The following TRPC6 variants were observed in gnomAD, a reference collection of about 807,000 sequenced individuals.
The protein encoded by TRPC6 is transient receptor potential cation channel subfamily C member 6, also known as short transient receptor potential channel 6.
In TRPC6, 55 loss-of-function variants were observed where a neutral mutation model predicts 90.7. The observed-to-expected ratio is 0.61, with a 90% CI of 0.49 to 0.76. The LOEUF is 0.76. Among genes scored for constraint, TRPC6 ranks in the 30% least tolerant of loss-of-function variants. The pLI, the probability that TRPC6 is intolerant of heterozygous loss-of-function variation, is 0.00. For synonymous variants in TRPC6, 393 were observed against 393.0 expected, an observed-to-expected ratio of 1.00 and a Z score of 0.00; for missense variants, 989 against 1,122.7, an observed-to-expected ratio of 0.88 and a Z score of 1.70.
chr11:101,475,311 T>C (rs1157315341), intron 6 of TRPC6, among the ~76,000 whole-genome samples: 1 of 152,176 alleles, frequency 6.6e-6, no homozygotes, highest in Non-Finnish European at 1.5e-5. Flanking sequence ...CTTTATTATA[T>C]ATATCTATGG....
rs1355905158 is a variant in TRPC6 at position 101,452,447 on chromosome 11, T to C, written c.*508A>G. Reference sequence around the variant, plus strand: ...TCAATCATGTGCATTGAGGGATAAGTAGGGTAAATGGTGTTTAAACAGCAT... The same window carrying C: ...TCAATCATGTGCATTGAGGGATAAGCAGGGTAAATGGTGTTTAAACAGCAT... On this transcript the variant is annotated 3_prime_UTR_variant, in exon 13 of 13. Transcript: ENST00000344327. 6.3e-6 allele frequency: 1 copy of C among 158,848 alleles called. No homozygotes were observed. The highest frequency in any genetic ancestry group is 2.4e-5 in the African/African-American group (1 of 41,466). 9.8% of individuals were successfully genotyped at this position (158,848 alleles called of 1,614,324 possible). A position where few individuals can be genotyped will look rare whatever the true frequency, so the allele number is the denominator to read the frequency against.
Position 101,503,273 on chromosome 11 carries a change from T to C in TRPC6, c.945+751A>G, listed in dbSNP as rs116801729. Reference sequence around the variant, plus strand: ...TCTCCAGATACCTCTTATTAAGAGATTGACTGGTCAAAGTTCTAATTTCCT... The same window carrying C: ...TCTCCAGATACCTCTTATTAAGAGACTGACTGGTCAAAGTTCTAATTTCCT... On this transcript the variant is annotated intron_variant, in intron 2 of 12. Transcript: ENST00000344327. Among the ~76,000 whole-genome samples the C allele has an allele frequency of 6.1e-3, 924 of 152,262 alleles. 8 individuals are homozygous for C. Among genetic ancestry groups the C allele is most frequent in the African/African-American group, 0.02 (841 of 41,544 alleles).
chr11:101,454,408 C>T (rs966847839), intron 11 of TRPC6, among the ~76,000 whole-genome samples: 1 of 151,792 alleles, frequency 6.6e-6, no homozygotes, highest in Non-Finnish European at 1.5e-5. Flanking sequence ...CAAGTATGTT[C>T]ATAGAACTAG....
intron 1 of TRPC6, among the ~76,000 whole-genome samples, chr11:101,574,083 A>C: frequency 6.6e-6 from 1 of 150,916 alleles, no homozygotes; most frequent in Non-Finnish European, 1.5e-5. Flanking sequence ...ACTCAGTTTA[A>C]TTGTCTAGCA....
intron 1 of TRPC6, among the ~76,000 whole-genome samples, chr11:101,543,354 C>A (rs11224835): frequency 7.4e-4 from 112 of 151,936 alleles, no homozygotes; most frequent in African/African-American, 2.4e-3. Context: ...CACTCCAAGA[C>A]AAATTGGAAA....
chr11:101,561,888 A>C (rs1861722675), intron 1 of TRPC6, among the ~76,000 whole-genome samples: 1 of 151,232 alleles, frequency 6.6e-6, no homozygotes, highest in Admixed American at 6.6e-5. Context: ...ATATGTATTT[A>C]TAAATACAAA....
chr11:101,475,681 G>C (rs899884240), intron 6 of TRPC6, among the ~76,000 whole-genome samples: 1 of 150,930 alleles, frequency 6.6e-6, no homozygotes. Flanking sequence ...CTACTTCTTT[G>C]AGTTTGACTT....
At chr11:101,534,229 T>C (rs1181195731) in intron 1 of TRPC6, among the ~76,000 whole-genome samples, 1 of 152,102 alleles carries the variant, frequency 6.6e-6, no homozygotes, top group Non-Finnish European at 1.5e-5. Context: ...TCTGCCTCCC[T>C]GGTTCAAGAG....
chr11:101,574,290 T>A (rs1216202784), intron 1 of TRPC6, among the ~76,000 whole-genome samples: 1 of 151,174 alleles, frequency 6.6e-6, no homozygotes, highest in East Asian at 1.9e-4. Context: ...GTTTATTTTT[T>A]AATTATGTGC....
intron 1 of TRPC6, among the ~76,000 whole-genome samples, chr11:101,544,263 C>T (rs913737200): frequency 1.3e-5 from 2 of 152,102 alleles, no homozygotes; most frequent in African/African-American, 4.8e-5. Flanking sequence ...GAAATAGGAA[C>T]CCTCTTACAC....
intron 9 of TRPC6, among the ~76,000 whole-genome samples, chr11:101,470,915 G>C (rs147138400): frequency 4.6e-4 from 69 of 148,890 alleles, no homozygotes; most frequent in African/African-American, 1.6e-3. Context: ...AAGCAGCCCA[G>C]AATAGTTCTT....
At chr11:101,493,332 C>T (rs2136711248) in intron 2 of TRPC6, among the ~76,000 whole-genome samples, 1 of 152,234 alleles carries the variant, frequency 6.6e-6, no homozygotes, top group African/African-American at 2.4e-5. Flanking sequence ...TCAAAACCAT[C>T]CTGGGCCTCA....
intron 10 of TRPC6, among the ~76,000 whole-genome samples, chr11:101,455,908 A>C (rs1206344879): frequency 6.6e-6 from 1 of 152,130 alleles, no homozygotes; most frequent in Non-Finnish European, 1.5e-5. Flanking sequence ...TCTGTGTATA[A>C]ATGAACATAA....
intron 10 of TRPC6, among the ~76,000 whole-genome samples, chr11:101,464,419 G>A (rs537956791): frequency 1.3e-5 from 2 of 152,272 alleles, no homozygotes; most frequent in African/African-American, 4.8e-5. Context: ...TATTGTGTGG[G>A]AGTCTGAGTC....
At chr11:101,481,605 A>G (rs1449866898) in intron 5 of TRPC6, among the ~76,000 whole-genome samples, 1 of 152,120 alleles carries the variant, frequency 6.6e-6, no homozygotes, top group Non-Finnish European at 1.5e-5. Context: ...GGCAGAATCC[A>G]CAGCTCTCCC....
intron 1 of TRPC6, among the ~76,000 whole-genome samples, chr11:101,506,530 T>C (rs1352581847): frequency 4.6e-5 from 7 of 152,114 alleles, no homozygotes; most frequent in Non-Finnish European, 1.0e-4. Flanking sequence ...TTGACAAATA[T>C]TTTTCATAGA....
chr11:101,475,951 GAGATACAGAGAGAT>G (rs1164029790), intron 6 of TRPC6, among the ~76,000 whole-genome samples: 1 of 151,124 alleles, frequency 6.6e-6, no homozygotes, highest in Non-Finnish European at 1.5e-5. Context: ...TACAGAGAGA[GAGATACAGAGAGAT>G]AGATCAAACG....
intron 6 of TRPC6, among the ~76,000 whole-genome samples, chr11:101,474,385 G>C (rs1828130917): frequency 6.6e-6 from 1 of 151,596 alleles, no homozygotes; most frequent in Non-Finnish European, 1.5e-5. Context: ...GGATTTTTTT[G>C]GCATTATTAC....
chr11:101,476,092 T>A (rs1859410242), intron 6 of TRPC6, among the ~76,000 whole-genome samples: 1 of 152,146 alleles, frequency 6.6e-6, no homozygotes, highest in African/African-American at 2.4e-5. Context: ...ATGAGTCTTG[T>A]GATTAAGAGA....
Sources: allele counts gnomAD v4.1 joint callset (sites outside exome capture counted in the v4.1 genomes callset), GRCh38; gene constraint gnomAD v4.1.1; transcripts MANE v1.5; gene names NCBI Gene and HGNC (gene_info 2026-07-23, HGNC 2026-07-21).